SECISBP2: variants seen among roughly 807,000 people sequenced by gnomAD.
SECISBP2 encodes selenocysteine insertion sequence-binding protein 2.
Under a neutral mutation model 98.2 loss-of-function variants are expected in SECISBP2, and 96 were observed. The ratio of observed to expected loss-of-function variants is 0.98; its 90% CI spans 0.83 to 1.16. The LOEUF (loss-of-function observed/expected upper bound fraction) is 1.16. Among genes scored for constraint, SECISBP2 ranks in the 50% most tolerant of loss-of-function variants. SECISBP2 has a pLI of 0.00. For missense variants in SECISBP2, 1,046 were observed against 1,022.9 expected, an observed-to-expected ratio of 1.02 and a Z score of -0.31; for synonymous variants, 407 against 370.2, an observed-to-expected ratio of 1.10 and a Z score of -1.14.
Position 89,339,924 on chromosome 9 carries a change from C to T in SECISBP2, c.1273C>T (p.Pro425Ser), listed in dbSNP as rs1207213271. 2 of 1,613,536 alleles carry T rather than the reference C, an allele frequency of 1.2e-6. No homozygotes were observed. Among genetic ancestry groups the T allele is most frequent in the Admixed American group, 3.3e-5 (2 of 60,012 alleles). The change falls in exon 9 of 17, where the codon CCG becomes TCG. Residue 425 changes from proline (P) to serine (S), a missense_variant. By Grantham distance (74) the Pro-to-Ser change is moderately conservative. Coordinates refer to ENST00000375807, the MANE Select transcript of SECISBP2 (RefSeq NM_024077.5). ...TGAAAGAAGAGACAGAATAGAGACA[C>T]CGAAATTTCAATCTAAGCAGCAGCC... ...ASERRDRIET[P>S]KFQSKQQPQD...
rs1490191339 is a variant in SECISBP2, at chr9:89,349,948, G to T, written c.1892+19G>T. ...TCAGGGAGTGAGTGAGCCCCTGCCTGCCAGGGACTAGGGGAAGATGGAAGT... is the reference window on the plus strand; with the variant it reads ...TCAGGGAGTGAGTGAGCCCCTGCCTTCCAGGGACTAGGGGAAGATGGAAGT... On this transcript the variant is annotated intron_variant, in intron 13 of 16. Transcript: ENST00000375807. 6.2e-7 allele frequency: 1 copy of T among 1,613,784 alleles called. No individual in the cohort carries two copies. Among genetic ancestry groups the T allele is most frequent in the Non-Finnish European group, 8.5e-7 (1 of 1,179,984 alleles).
intron 2 of SECISBP2, among the ~76,000 whole-genome samples, chr9:89,320,355 CAAAAAAAAAA>C (rs776426275): frequency 9.6e-5 from 5 of 51,960 alleles, no homozygotes; most frequent in African/African-American, 1.3e-4. Flanking sequence ...GACTCTGTCT[CAAAAAAAAAA>C]AAAAAAAAAA....
chr9:89,337,813 A>T (rs762838685), intron 7 of SECISBP2, among the ~76,000 whole-genome samples: 9 of 152,236 alleles, frequency 5.9e-5, no homozygotes, highest in Non-Finnish European at 1.3e-4. Flanking sequence ...GACATGTCAG[A>T]GAGTGATCAG....
chr9:89,342,484 T>C (rs932603976), intron 10 of SECISBP2, among the ~76,000 whole-genome samples: 5 of 152,234 alleles, frequency 3.3e-5, no homozygotes, highest in Admixed American at 6.5e-5. Flanking sequence ...GGGTTTGTTA[T>C]GGCATTATTC....
chr9:89,349,124 C>T (rs1415135401), intron 12 of SECISBP2, among the ~76,000 whole-genome samples: 1 of 152,208 alleles, frequency 6.6e-6, no homozygotes, highest in African/African-American at 2.4e-5. Flanking sequence ...CCATCTCTAC[C>T]AGCCCACGGG....
At position 89,346,922 on chromosome 9, in the gene SECISBP2, G is replaced by A. The variant is rs1830502649; in HGVS notation, c.1476G>A (p.Gly492=). Residue 492 remains glycine, a synonymous_variant, in exon 11 of 17, where the codon GGG becomes GGA. Coordinates refer to ENST00000375807, the MANE Select transcript of SECISBP2 (RefSeq NM_024077.5). ...VPVLSKECAS[G]ERGRRMSQMK... ...TCCTTTCCAAAGAATGTGCATCAGG[G>A]GAGAGAGGCCGCCGCATGAGTCAAA... is the stretch of plus-strand genomic sequence containing the variant. 2.5e-6 allele frequency: 4 copies of A among 1,614,028 alleles called. No individual in the cohort carries two copies. In the African/African-American group the frequency reaches 4.0e-5, roughly 16 times the overall value.
chr9:89,326,921 G>A (rs1185506708), intron 4 of SECISBP2, among the ~76,000 whole-genome samples: 1 of 152,178 alleles, frequency 6.6e-6, no homozygotes, highest in Non-Finnish European at 1.5e-5. Context: ...CCAGCACTTT[G>A]GGAGTCCGAG....
chr9:89,328,519 A>G (rs963467661), intron 4 of SECISBP2, 141 bp from the exon 5 acceptor site: 13 of 698,288 alleles, frequency 1.9e-5, no homozygotes, highest in Non-Finnish European at 2.8e-5. Flanking sequence ...AAGGTGAACA[A>G]CACCGGTAAG....
chr9:89,333,244 C>T (rs536298458), intron 6 of SECISBP2, among the ~76,000 whole-genome samples: 95 of 152,286 alleles, frequency 6.2e-4, no homozygotes, highest in African/African-American at 2.2e-3. Flanking sequence ...ATGAACTCAG[C>T]AGTAACTACT....
chr9:89,339,772 C>T, intron 8 of SECISBP2, 92 bp from the exon 9 acceptor site: 2 of 908,310 alleles, frequency 2.2e-6, no homozygotes, highest in Non-Finnish European at 3.7e-6. Context: ...TTTAAGGGAC[C>T]TTACTGAAGA....
At chr9:89,332,213 A>G (rs1827865144) in intron 5 of SECISBP2, among the ~76,000 whole-genome samples, 1 of 152,026 alleles carries the variant, frequency 6.6e-6, no homozygotes, top group Non-Finnish European at 1.5e-5. Context: ...CAGATTTCCC[A>G]TATGCCCCTT....
At chr9:89,362,910 C>CAGGGAGCCTCT (rs909439355), downstream of SECISBP2, among the ~76,000 whole-genome samples, 14 of 152,160 alleles carry the variant, frequency 9.2e-5, no homozygotes, top group African/African-American at 3.4e-4. Context: ...CGTGGGGAGA[C>CAGGGAGCCTCT]AGGGAGCCTC....
chr9:89,350,941 T>C, intron 14 of SECISBP2, 89 bp downstream of exon 14: 1 of 1,081,806 alleles, frequency 9.2e-7, no homozygotes, highest in South Asian at 1.3e-5. Flanking sequence ...CAGCGGCCCA[T>C]GCCACAGGTC....
chr9:89,332,978 G>A lies in SECISBP2; in HGVS notation c.872G>A (p.Cys291Tyr), dbSNP rs771036781. The A allele has an allele frequency of 1.2e-5, 20 of 1,613,394 alleles. No homozygotes were observed. Among genetic ancestry groups the A allele is most frequent in the Non-Finnish European group, 1.7e-5 (20 of 1,179,612 alleles). Residue 291 changes from cysteine (C) to tyrosine (Y), a missense_variant, in exon 6 of 17, where the codon TGT (cysteine) becomes TAT (tyrosine). By Grantham distance (194) the Cys-to-Tyr change is radical (BLOSUM62 -2). Transcript: ENST00000375807. ...TANAATNSPS[C>Y]TRELSWTPMG... The stretch of plus-strand genomic sequence containing the variant: ...AATGCCGCTACCAATTCTCCTTCAT[G>A]TACAAGAGGTAAAAGTGGCTGCAAA...
chr9:89,347,440 C>T (rs1830574392), intron 11 of SECISBP2, among the ~76,000 whole-genome samples: 1 of 149,392 alleles, frequency 6.7e-6, no homozygotes, highest in Admixed American at 6.7e-5. Context: ...TCCAGAAGGA[C>T]AGTCACAGGC....
At chr9:89,350,076 C>A in intron 13 of SECISBP2, 147 bp downstream of exon 13, 1 of 930,436 alleles carries the variant, frequency 1.1e-6, no homozygotes, top group Non-Finnish European at 1.7e-6. Context: ...TACCTGGTTA[C>A]ACGCATTCAG....
intron 12 of SECISBP2, among the ~76,000 whole-genome samples, chr9:89,348,909 C>T (rs1042292331): frequency 3.3e-5 from 5 of 152,228 alleles, no homozygotes; most frequent in African/African-American, 4.8e-5. Flanking sequence ...TACAGGGTTG[C>T]GGATGGGCAT....
At chr9:89,362,096 C>T (rs1832803752), downstream of SECISBP2, 4 of 550,234 alleles carry the variant, frequency 7.3e-6, no homozygotes, top group Non-Finnish European at 1.3e-5. Context: ...TGTTTTAGTT[C>T]ACGAGCAGCT....
chr9:89,342,331 G>A lies in SECISBP2; in HGVS notation c.1435+852G>A, dbSNP rs28784062. Reference sequence around the variant, plus strand: ...AAAAATTGGAACCCCGTACGCTGCCGGTGGGAATGTAAAATGGTGCAGCCA... The same window carrying A: ...AAAAATTGGAACCCCGTACGCTGCCAGTGGGAATGTAAAATGGTGCAGCCA... On this transcript the variant is annotated intron_variant, in intron 10 of 16. Coordinates refer to ENST00000375807, the MANE Select transcript of SECISBP2 (RefSeq NM_024077.5). Among the ~76,000 whole-genome samples the A allele has an allele frequency of 3.4e-3, 511 of 152,234 alleles. 26 individuals are homozygous for A. The East Asian group carries it at 0.09, about 27-fold the overall frequency.
Sources: allele counts gnomAD v4.1 joint callset (sites outside exome capture counted in the v4.1 genomes callset), GRCh38; gene constraint gnomAD v4.1.1; transcripts MANE v1.5; gene names NCBI Gene and HGNC (gene_info 2026-07-23, HGNC 2026-07-21).